Variants in GHITM observed in about 807,000 individuals in gnomAD.
The protein encoded by GHITM is growth hormone inducible transmembrane protein.
In GHITM, 24 loss-of-function variants were observed where a neutral mutation model predicts 38.7. The ratio of observed to expected loss-of-function variants is 0.62; its 90% CI spans 0.45 to 0.87. The LOEUF is 0.87. Among genes scored for constraint, GHITM ranks in the 40% least tolerant of loss-of-function variants. GHITM has a pLI of 0.00. For missense variants in GHITM, 420 were observed against 429.8 expected (o/e 0.98, Z 0.20); for synonymous variants, 154 against 147.8 (o/e 1.04, Z -0.30).
intron 5 of GHITM, among the ~76,000 whole-genome samples, 199 bp downstream of exon 5, chr10:84,145,215 CATG>C (rs1272971634): frequency 6.6e-6 from 1 of 152,186 alleles, no homozygotes; most frequent in African/African-American, 2.4e-5. Flanking sequence ...GTAGTGTCAA[CATG>C]ATGCTCAAAG....
chr10:84,151,584 T>C (rs1589277652), intron 8 of GHITM, among the ~76,000 whole-genome samples: 1 of 152,230 alleles, frequency 6.6e-6, no homozygotes, highest in East Asian at 1.9e-4. Context: ...CATGGAATTT[T>C]TAATAGAAAA....
chr10:84,143,538 A>G (rs529371861), intron 3 of GHITM, among the ~76,000 whole-genome samples: 71 of 152,344 alleles, frequency 4.7e-4, no homozygotes, highest in African/African-American at 1.7e-3. Context: ...ATTCTGCTGC[A>G]TAAACACTGA....
In GHITM at chr10:84,153,162, C is replaced by T. The variant is rs527335156; in HGVS notation, c.*814C>T. ...TATGTTGCTTTTTCCAGAATACAAA[C>T]AGTATACTCATGATTGCTAAGTGTT... On this transcript the variant is annotated 3_prime_UTR_variant, in exon 9 of 9. Transcript: ENST00000372134. 10 of 152,290 alleles carry T rather than the reference C, an allele frequency of 6.6e-5. No individual in the cohort carries two copies. Among genetic ancestry groups the T allele is most frequent in the African/African-American group, 2.4e-4 (10 of 41,568 alleles). 9.4% of individuals were successfully genotyped at this position (152,290 alleles called of 1,614,324 possible).
intron 7 of GHITM, 33 bp from the exon 8 acceptor site, chr10:84,150,675 TA>T (rs762724853): frequency 4.3e-5 from 67 of 1,549,096 alleles, no homozygotes; most frequent in Non-Finnish European, 4.8e-5. Context: ...AATCCTTTTT[TA>T]AAAAAAATCT....
chr10:84,148,702 GT>G (rs1303342811), intron 5 of GHITM, 27 bp from the exon 6 acceptor site: 1 of 1,422,330 alleles, frequency 7.0e-7, no homozygotes, highest in Non-Finnish European at 9.9e-7. Flanking sequence ...ATAAAGATCA[GT>G]TTTTCTTAAT....
At chr10:84,150,590 G>C in intron 7 of GHITM, 119 bp from the exon 8 acceptor site, 1 of 711,660 alleles carries the variant, frequency 1.4e-6, no homozygotes, top group South Asian at 2.0e-5. Context: ...CATGTACCCA[G>C]ATGTCGTCTT....
At chr10:84,142,841 T>C in intron 3 of GHITM, 87 bp downstream of exon 3, 2 of 616,758 alleles carry the variant, frequency 3.2e-6, no homozygotes, top group South Asian at 4.7e-5. Context: ...TATATGTGTA[T>C]TTGTGCATTT....
At chr10:84,139,939 G>T (rs1435129937) in intron 1 of GHITM, 5 of 152,458 alleles carry the variant, frequency 3.3e-5, no homozygotes, top group African/African-American at 9.7e-5. Flanking sequence ...TTGCTGCCGG[G>T]TTCTCATCTG....
At position 84,141,557 on chromosome 10, in the gene GHITM, A is replaced by G. The variant is rs775931269; in HGVS notation, c.57A>G (p.Pro19=). 4.3e-6 allele frequency: 7 copies of G among 1,613,752 alleles called. No homozygotes were observed. The highest frequency in any genetic ancestry group is 3.3e-5 in the Admixed American group (2 of 60,026). ...LRTLPSRVFH[P]AFTKASPVVK... is the part of the protein sequence containing the mutation. The stretch of plus-strand genomic sequence containing the variant: ...CACTACCTTCTAGGGTTTTCCACCC[A>G]GCTTTCACCAAGGCCTCCCCTGTTG... The change falls in exon 2 of 9, where the codon CCA becomes CCG. Residue 19 remains proline, a synonymous_variant. Transcript: ENST00000372134.
intron 4 of GHITM, among the ~76,000 whole-genome samples, chr10:84,144,470 C>T (rs1341180704): frequency 6.6e-6 from 1 of 152,178 alleles, no homozygotes; most frequent in Admixed American, 6.5e-5. Context: ...ATTCTCCTGC[C>T]TCAGGCTCCT....
rs1259543900 is a variant in GHITM at position 84,150,839 on chromosome 10, A to AT, written c.913dup (p.Ser305PhefsTer10). On this transcript the variant is annotated frameshift_variant, in exon 8 of 9. Coordinates refer to ENST00000372134, the MANE Select transcript of GHITM (RefSeq NM_014394.3). LOFTEE classifies it high-confidence loss of function. ...AGAAAGTAATCAAGCGTGCAGAAGT[A>AT]TCACCAATGTATGGAGTTCAAAAAT... is the stretch of plus-strand genomic sequence containing the variant. The AT allele has an allele frequency of 1.2e-6, 2 of 1,611,678 alleles. No individual in the cohort carries two copies. The highest frequency in any genetic ancestry group is 4.5e-5 in the East Asian group (2 of 44,878).
intron 3 of GHITM, among the ~76,000 whole-genome samples, 184 bp downstream of exon 3, chr10:84,142,938 T>C (rs891781163): frequency 2.8e-4 from 42 of 152,258 alleles, no homozygotes; most frequent in Non-Finnish European, 5.9e-5. Flanking sequence ...ATCAATCATA[T>C]TTCTTCCAGT....
intron 6 of GHITM, 95 bp from the exon 7 acceptor site, chr10:84,149,960 C>A: frequency 2.0e-6 from 2 of 981,276 alleles, no homozygotes; most frequent in Non-Finnish European, 2.8e-6. Flanking sequence ...AGTGCTTAAA[C>A]AGTAAGGTAT....
intron 1 of GHITM, among the ~76,000 whole-genome samples, chr10:84,141,234 G>A (rs1005725659): frequency 6.6e-6 from 1 of 152,190 alleles, no homozygotes; most frequent in East Asian, 1.9e-4. Flanking sequence ...CTTAAACCTA[G>A]TTTGTTCCTC....
chr10:84,142,422 T>G (rs746158440), intron 2 of GHITM, among the ~76,000 whole-genome samples: 18 of 152,240 alleles, frequency 1.2e-4, no homozygotes, highest in Non-Finnish European at 8.8e-5. Flanking sequence ...AAGAATAATA[T>G]AATGAATTAC....
intron 5 of GHITM, among the ~76,000 whole-genome samples, chr10:84,145,688 T>G (rs1264288127): frequency 6.6e-6 from 1 of 152,232 alleles, no homozygotes; most frequent in African/African-American, 2.4e-5. Context: ...TCTGGAGCCC[T>G]TGTTATTTTG....
intron 6 of GHITM, 99 bp from the exon 7 acceptor site, chr10:84,149,956 T>TA: frequency 1.0e-6 from 1 of 965,030 alleles, no homozygotes; most frequent in Non-Finnish European, 1.4e-6. Context: ...TCATAGTGCT[T>TA]AAACAGTAAG....
intron 4 of GHITM, among the ~76,000 whole-genome samples, chr10:84,144,589 G>A (rs955177673): frequency 3.9e-5 from 6 of 151,980 alleles, no homozygotes; most frequent in Admixed American, 2.0e-4. Context: ...CCTGACCTCA[G>A]GTGATCCACC....
At chr10:84,150,634 A>T in intron 7 of GHITM, 75 bp from the exon 8 acceptor site, 1 of 1,160,960 alleles carries the variant, frequency 8.6e-7, no homozygotes, top group Admixed American at 2.5e-5. Flanking sequence ...TTTTTTTTTA[A>T]GTAATATAAA....
Sources: gnomAD v4.1 joint callset for allele counts (sites outside exome capture counted in the v4.1 genomes callset) on GRCh38, gnomAD v4.1.1 for gene constraint, MANE v1.5 for transcripts, NCBI Gene and HGNC (gene_info 2026-07-23, HGNC 2026-07-21) for gene names.